PLEKHB1: variants seen among roughly 807,000 people sequenced by gnomAD.
PLEKHB1 encodes pleckstrin homology domain-containing family B member 1.
In PLEKHB1, 29 loss-of-function variants were observed where a neutral mutation model predicts 36.2. The observed-to-expected ratio is 0.80, with a 90% CI of 0.60 to 1.09. PLEKHB1 has a LOEUF of 1.09. Ranked by LOEUF, PLEKHB1 falls within the 50% of genes least tolerant of loss-of-function variation. The pLI, the probability that PLEKHB1 is intolerant of heterozygous loss-of-function variation, is 0.00. For synonymous variants in PLEKHB1, 138 were observed against 140.0 expected, an observed-to-expected ratio of 0.99 and a Z score of 0.10; for missense variants, 330 against 348.2, an observed-to-expected ratio of 0.95 and a Z score of 0.42.
chr11:73,655,946 C>T (rs759349612), intron 6 of PLEKHB1, 39 bp downstream of exon 6: 7 of 1,566,016 alleles, frequency 4.5e-6, no homozygotes, highest in Non-Finnish European at 5.3e-6. Context: ...CCATACTGGC[C>T]ACCAGGATGA....
chr11:73,647,548 CA>C (rs1175123704), intron 1 of PLEKHB1: 2 of 985,372 alleles, frequency 2.0e-6, no homozygotes, highest in African/African-American at 3.5e-5. Flanking sequence ...CTCTTCACGT[CA>C]CTCCCCCTCC....
Position 73,661,565 on chromosome 11 carries a change from C to G in PLEKHB1, c.695C>G (p.Ala232Gly). 2 of 1,605,652 alleles carry G rather than the reference C, an allele frequency of 1.2e-6. No individual in the cohort carries two copies. The highest frequency in any genetic ancestry group is 1.7e-6 in the Non-Finnish European group (2 of 1,175,860). ...GMLAGAATGAALGSLMWSPCW... is the reference protein window; with the variant it reads ...GMLAGAATGAGLGSLMWSPCW... ...CTTGCGGGAGCCGCCACTGGGGCGGCGCTGGGCTCGCTCATGTGGTCGCCC... is the reference window on the plus strand; with the variant it reads ...CTTGCGGGAGCCGCCACTGGGGCGGGGCTGGGCTCGCTCATGTGGTCGCCC... The change falls in exon 8 of 8, where the codon GCG (alanine) becomes GGG (glycine). Residue 232 changes from alanine to glycine, a missense_variant. Coordinates refer to ENST00000354190, the MANE Select transcript of PLEKHB1 (RefSeq NM_021200.3). This position sits in a 1 kb window ranked among gnomAD's most constrained non-coding sequence, Gnocchi z 4.6.
intron 6 of PLEKHB1, among the ~76,000 whole-genome samples, chr11:73,658,934 A>G (rs1945050323): frequency 6.6e-6 from 1 of 152,194 alleles, no homozygotes. Context: ...ATTTGAGTGC[A>G]TGGTGATGGC....
At chr11:73,651,629 G>A (rs1944896046) in intron 3 of PLEKHB1, 159 bp from the exon 4 acceptor site, 9 of 672,096 alleles carry the variant, frequency 1.3e-5, no homozygotes, top group African/African-American at 8.9e-5. Flanking sequence ...GGTTGGAAAC[G>A]TAGAGTGGAA....
chr11:73,655,603 G>A (rs574506011), intron 5 of PLEKHB1, among the ~76,000 whole-genome samples, 200 bp from the exon 6 acceptor site: 388 of 152,296 alleles, frequency 2.5e-3, no homozygotes, highest in Non-Finnish European at 3.7e-3. Flanking sequence ...TCTTTTCTGC[G>A]TAACTTTGGC....
chr11:73,647,496 A>C (rs1335840665), intron 1 of PLEKHB1: 1 of 940,062 alleles, frequency 1.1e-6, no homozygotes, highest in Admixed American at 6.2e-5. Flanking sequence ...GCCCAGCTCT[A>C]CAGGGGTAGA....
chr11:73,651,771 T>C lies in PLEKHB1; in HGVS notation c.248-17T>C. On this transcript the variant is annotated splice_polypyrimidine_tract_variant and intron_variant, in intron 3 of 7. Coordinates refer to ENST00000354190, the MANE Select transcript of PLEKHB1 (RefSeq NM_021200.3). ...GCTTGTGCCTGTGGAAACCCATATATGTGTGTCTGCTTCCAGATGTGCAGC... is the reference window on the plus strand; with the variant it reads ...GCTTGTGCCTGTGGAAACCCATATACGTGTGTCTGCTTCCAGATGTGCAGC... 1 of 1,607,288 alleles carries C rather than the reference T, an allele frequency of 6.2e-7. No individual in the cohort carries two copies. Among genetic ancestry groups the C allele is most frequent in the Middle Eastern group, 1.7e-4 (1 of 6,056 alleles).
intron 3 of PLEKHB1, chr11:73,651,367 A>G (rs928978793): frequency 1.1e-4 from 49 of 443,998 alleles, no homozygotes; most frequent in African/African-American, 8.5e-4. Flanking sequence ...AAAAAAAAAA[A>G]AAAGAAAAAG....
At chr11:73,659,548 G>T (rs1027832184) in intron 6 of PLEKHB1, among the ~76,000 whole-genome samples, 1 of 152,144 alleles carries the variant, frequency 6.6e-6, no homozygotes, top group Non-Finnish European at 1.5e-5. Flanking sequence ...ACAAATCAGA[G>T]TCCTTGTCTA....
intron 2 of PLEKHB1, 54 bp from the exon 3 acceptor site, chr11:73,650,499 A>G (rs772851795): frequency 2.0e-6 from 3 of 1,533,084 alleles, no homozygotes; most frequent in Non-Finnish European, 2.6e-6. Flanking sequence ...TGGGGCTTCT[A>G]TTCCCAGCAG....
chr11:73,647,853 G>T, intron 1 of PLEKHB1: 1 of 975,766 alleles, frequency 1.0e-6, no homozygotes, highest in Non-Finnish European at 1.2e-6. Flanking sequence ...ACAAGGCTGG[G>T]CCTTCCAGCC....
At chr11:73,655,000 G>T (rs1042949348) in intron 5 of PLEKHB1, among the ~76,000 whole-genome samples, 1 of 152,190 alleles carries the variant, frequency 6.6e-6, no homozygotes, top group Non-Finnish European at 1.5e-5. Flanking sequence ...GTAGTCTGCA[G>T]GGTGGAGGGA....
chr11:73,656,785 T>A (rs1338448400), intron 6 of PLEKHB1, among the ~76,000 whole-genome samples: 2 of 152,232 alleles, frequency 1.3e-5, no homozygotes, highest in Admixed American at 1.3e-4. Context: ...CAAGCACTAA[T>A]AACAAGTATT....
chr11:73,660,920 G>A lies in PLEKHB1; in HGVS notation c.595+68G>A, dbSNP rs961171285. On this transcript the variant is annotated intron_variant, in intron 7 of 7. Transcript: ENST00000354190. Reference sequence around the variant, plus strand: ...CGATTCAGCGCCAGGCCCAGCCCACGGTCCGTAAGTCCGGACCAGGCTTCA... The same window carrying A: ...CGATTCAGCGCCAGGCCCAGCCCACAGTCCGTAAGTCCGGACCAGGCTTCA... 5.7e-6 allele frequency: 8 copies of A among 1,402,786 alleles called. No individual in the cohort carries two copies. The Admixed American group carries it at 1.4e-4, about 24-fold the overall frequency. 86.9% of individuals were successfully genotyped at this position (1,402,786 alleles called of 1,614,324 possible).
chr11:73,648,911 C>T, intron 1 of PLEKHB1, 101 bp from the exon 2 acceptor site: 1 of 1,496,962 alleles, frequency 6.7e-7, no homozygotes, highest in Non-Finnish European at 8.9e-7. Flanking sequence ...CTAACCCTCC[C>T]TCAAACGTTT....
rs577020633 is a variant in PLEKHB1 at position 73,657,618 on chromosome 11, A to G, written c.495+1711A>G. 2.2e-4 allele frequency among the ~76,000 whole-genome samples: 34 copies of G among 152,298 alleles called. No individual in the cohort carries two copies. The South Asian group carries it at 6.8e-3, about 31-fold the overall frequency. On this transcript the variant is annotated intron_variant, in intron 6 of 7. Coordinates refer to ENST00000354190, the MANE Select transcript of PLEKHB1 (RefSeq NM_021200.3). ...TCTGGGCCTCCCAGACGTGGAGAGTAAAAACAGGTGCCCTCGAGGGATATG... is the reference window on the plus strand; with the variant it reads ...TCTGGGCCTCCCAGACGTGGAGAGTGAAAACAGGTGCCCTCGAGGGATATG...
intron 6 of PLEKHB1, among the ~76,000 whole-genome samples, chr11:73,658,256 C>A (rs1044423481): frequency 6.6e-6 from 1 of 152,188 alleles, no homozygotes; most frequent in Admixed American, 6.5e-5. Context: ...ATATCCCTAG[C>A]AAAGGAAAAT....
intron 1 of PLEKHB1, chr11:73,647,596 C>T: frequency 1.0e-6 from 1 of 985,432 alleles, no homozygotes; most frequent in Non-Finnish European, 1.2e-6. Flanking sequence ...GGCCCGGGGG[C>T]AGCTGGGCTC....
Position 73,650,533 on chromosome 11 carries a change from G to A in PLEKHB1, c.95-20G>A. ...AGGCTCTGGGATCAGCCTGCCTAGTGCATCTGGAATATCGTACAGGCTCCA... is the reference window on the plus strand; with the variant it reads ...AGGCTCTGGGATCAGCCTGCCTAGTACATCTGGAATATCGTACAGGCTCCA... On this transcript the variant is annotated intron_variant, in intron 2 of 7. Coordinates refer to ENST00000354190, the MANE Select transcript of PLEKHB1 (RefSeq NM_021200.3). 4 of 1,594,496 alleles carry A rather than the reference G, an allele frequency of 2.5e-6. No homozygotes were observed. Among genetic ancestry groups the A allele is most frequent in the Non-Finnish European group, 2.6e-6 (3 of 1,170,668 alleles).
Sources: allele counts gnomAD v4.1 joint callset (sites outside exome capture counted in the v4.1 genomes callset), GRCh38; gene constraint gnomAD v4.1.1; non-coding constraint Gnocchi (gnomAD v3.1); transcripts MANE v1.5; gene names NCBI Gene and HGNC (gene_info 2026-07-23, HGNC 2026-07-21).